The following GALK1 variants were observed in gnomAD, a reference collection of about 807,000 sequenced individuals.
The protein encoded by GALK1 is galactokinase 1.
A neutral mutation model predicts 38.6 loss-of-function variants in GALK1; 30 were observed. That is an observed-to-expected ratio of 0.78 (90% CI 0.58 to 1.05). The LOEUF is 1.05. Among genes scored for constraint, GALK1 ranks in the 50% least tolerant of loss-of-function variants. The pLI is 0.00. For missense variants in GALK1, 512 were observed against 540.5 expected (o/e 0.95, Z 0.52); for synonymous variants, 240 against 233.6 (o/e 1.03, Z -0.25).
At chr17:75,755,960 C>G (rs377275059), downstream of GALK1, 9 of 1,316,068 alleles carry the variant, frequency 6.8e-6, no homozygotes, top group South Asian at 1.1e-4. Context: ...GTCCCTTGAG[C>G]GCTAAAGCCC....
chr17:75,757,527 A>G (rs1272722876), downstream of GALK1: 3 of 1,613,302 alleles, frequency 1.9e-6, no homozygotes, highest in Admixed American at 5.0e-5. Flanking sequence ...CTTAGCACCC[A>G]CATGGACCAA....
At chr17:75,754,955 T>TGC (rs2061457104), downstream of GALK1, 5 of 1,279,926 alleles carry the variant, frequency 3.9e-6, no homozygotes, top group African/African-American at 1.9e-5. Flanking sequence ...CGCACACACG[T>TGC]GCACACGCAT....
chr17:75,757,923 C>T lies in GALK1; in HGVS notation c.*133G>A. 1 of 1,037,880 alleles carries T rather than the reference C, an allele frequency of 9.6e-7. No individual in the cohort carries two copies. Among genetic ancestry groups the T allele is most frequent in the Non-Finnish European group, 1.4e-6 (1 of 690,046 alleles). 64.3% of individuals were successfully genotyped at this position (1,037,880 alleles called of 1,614,324 possible). A position where few individuals can be genotyped will look rare whatever the true frequency, so the allele number is the denominator to read the frequency against. On this transcript the variant is annotated 3_prime_UTR_variant, in exon 8 of 8. Coordinates refer to ENST00000588479, the MANE Select transcript of GALK1 (RefSeq NM_000154.2). ...CTGACACCCAAGCATACACCCACCT[C>T]TAGAGGAGGCAGGTACCACATTGGA...
At chr17:75,755,776 G>C, downstream of GALK1, 1 of 1,612,560 alleles carries the variant, frequency 6.2e-7, no homozygotes, top group Non-Finnish European at 8.5e-7. Flanking sequence ...ACATCTCTCA[G>C]AGTGAGCTGG....
chr17:75,753,298 G>A (rs891238802), downstream of GALK1, among the ~76,000 whole-genome samples: 3 of 152,216 alleles, frequency 2.0e-5, no homozygotes, highest in African/African-American at 4.8e-5. Context: ...GTGGAGCGCA[G>A]CTGGTGTGAC....
chr17:75,758,706 G>C (rs944170106), intron 5 of GALK1, 107 bp from the exon 6 acceptor site: 2 of 1,424,268 alleles, frequency 1.4e-6, no homozygotes, highest in Non-Finnish European at 1.9e-6. Context: ...GACGGTGAAG[G>C]GTGGAAGGCC....
chr17:75,763,678 A>G, intron 2 of GALK1: 1 of 697,048 alleles, frequency 1.4e-6, no homozygotes, highest in Non-Finnish European at 2.4e-6. Context: ...CTGGAGGGAA[A>G]AAAGGCTGGG....
At chr17:75,755,945 C>T, downstream of GALK1, 1 of 1,451,460 alleles carries the variant, frequency 6.9e-7, no homozygotes, top group Non-Finnish European at 9.4e-7. Context: ...CAGGAACCCA[C>T]CCAAGTCCCT....
At chr17:75,756,598 C>T (rs1568387280), downstream of GALK1, 3 of 1,612,900 alleles carry the variant, frequency 1.9e-6, no homozygotes, top group East Asian at 2.2e-5. Context: ...ACCCGCAGAG[C>T]CCACTGTGTC....
chr17:75,755,566 A>T, downstream of GALK1: 1 of 1,116,542 alleles, frequency 9.0e-7, no homozygotes, highest in Non-Finnish European at 1.3e-6. Flanking sequence ...AGGGTGTTGC[A>T]GGGTGAGTGA....
chr17:75,756,913 G>A (rs1337012046), downstream of GALK1: 8 of 1,612,052 alleles, frequency 5.0e-6, no homozygotes, highest in Middle Eastern at 1.7e-4. Flanking sequence ...AGAGGGGGCC[G>A]CAGACGCTGA....
intron 8 of GALK1, among the ~76,000 whole-genome samples, chr17:75,752,826 C>T (rs1452655978): frequency 6.6e-6 from 1 of 152,182 alleles, no homozygotes; most frequent in Non-Finnish European, 1.5e-5. Context: ...AACACAGCTT[C>T]ACAAGTTGAA....
At chr17:75,755,682 T>G, downstream of GALK1, 1 of 1,612,516 alleles carries the variant, frequency 6.2e-7, no homozygotes, top group South Asian at 1.1e-5. Flanking sequence ...TCTGGCTGAC[T>G]GCGGCCTCCT....
chr17:75,759,186 G>A (rs965519949), intron 5 of GALK1, among the ~76,000 whole-genome samples: 3 of 152,164 alleles, frequency 2.0e-5, no homozygotes, highest in Non-Finnish European at 4.4e-5. Context: ...CCAGCACTTT[G>A]GGAAGCTGAG....
downstream of GALK1, chr17:75,756,546 G>A (rs761682275): frequency 1.2e-6 from 2 of 1,613,142 alleles, no homozygotes; most frequent in Non-Finnish European, 8.5e-7. Context: ...GAAGGCTGGG[G>A]CCGAGAGCGT....
Position 75,758,144 on chromosome 17 carries a change from G to A in GALK1, c.1108-17C>T. 1 of 1,612,250 alleles carries A rather than the reference G, an allele frequency of 6.2e-7. No homozygotes were observed. Among genetic ancestry groups the A allele is most frequent in the Non-Finnish European group, 8.5e-7 (1 of 1,179,806 alleles). Reference sequence around the variant, plus strand: ...GTAGTGCTCCTGTAAGAGGCGGGCTGGGGGTGAGTGGCAGGGCCCCGGGAA... The same window carrying A: ...GTAGTGCTCCTGTAAGAGGCGGGCTAGGGGTGAGTGGCAGGGCCCCGGGAA... On this transcript the variant is annotated splice_polypyrimidine_tract_variant and intron_variant, in intron 7 of 7. Coordinates refer to ENST00000588479, the MANE Select transcript of GALK1 (RefSeq NM_000154.2).
At chr17:75,755,157 G>A (rs767075108), downstream of GALK1, 28 of 1,611,534 alleles carry the variant, frequency 1.7e-5, no homozygotes, top group East Asian at 5.4e-4. Flanking sequence ...CCTTCCAGGG[G>A]CCCACGAGAC....
downstream of GALK1, chr17:75,754,969 C>T (rs2143490652): frequency 4.8e-6 from 6 of 1,240,214 alleles, no homozygotes; most frequent in Non-Finnish European, 6.9e-6. Context: ...CACGCATGCA[C>T]ACATGTACAC....
rs2061594654 is a variant in GALK1 at position 75,763,076 on chromosome 17, G to A, written c.549C>T (p.Gly183=). The A allele has an allele frequency of 6.2e-7, 1 of 1,612,924 alleles. No homozygotes were observed. The highest frequency in any genetic ancestry group is 8.5e-7 in the Non-Finnish European group (1 of 1,180,002). The change falls in exon 4 of 8, where the codon GGC becomes GGT. Residue 183 remains glycine, a synonymous_variant. Transcript: ENST00000588479. The stretch of plus-strand genomic sequence containing the variant: ...TAAGTGAGATGAACTGGTCCATGAT[G>A]CCACAGGGCATCCCTGCGAAGCTGT... ...AEHSFAGMPC[G]IMDQFISLMG...
Sources: gnomAD v4.1 joint callset for allele counts (sites outside exome capture counted in the v4.1 genomes callset) on GRCh38, gnomAD v4.1.1 for gene constraint, MANE v1.5 for transcripts, NCBI Gene and HGNC (gene_info 2026-07-23, HGNC 2026-07-21) for gene names.